GCNT1: variants seen among roughly 807,000 people sequenced by gnomAD.
GCNT1 encodes glucosaminyl (N-acetyl) transferase 1.
GCNT1 carries 16 observed loss-of-function variants against 26.2 expected under a neutral mutation model. The ratio of observed to expected loss-of-function variants is 0.61; its 90% confidence interval spans 0.41 to 0.93. The LOEUF is 0.93. Ranked by LOEUF, GCNT1 falls within the 40% of genes least tolerant of loss-of-function variation. GCNT1 has a pLI of 0.00. For synonymous variants in GCNT1, 183 were observed against 190.8 expected, an observed-to-expected ratio of 0.96 and a Z score of 0.34; for missense variants, 477 against 526.7, an observed-to-expected ratio of 0.91 and a Z score of 0.92.
chr9:76,447,727 A>T (rs1178501829), intron 1 of GCNT1, among the ~76,000 whole-genome samples: 1 of 152,170 alleles, frequency 6.6e-6, no homozygotes, highest in African/African-American at 2.4e-5. Flanking sequence ...TTATTAAATA[A>T]TTTTTATATC....
chr9:76,483,499 C>T (rs1564240727), intron 2 of GCNT1, among the ~76,000 whole-genome samples: 1 of 152,106 alleles, frequency 6.6e-6, no homozygotes, highest in African/African-American at 2.4e-5. Context: ...ACCGCAGCCT[C>T]GAACTCCTGG....
At chr9:76,407,229 T>C in the GCNT1 span, among the ~76,000 whole-genome samples, 1 of 152,112 alleles carries the variant, frequency 6.6e-6, no homozygotes, top group Non-Finnish European at 1.5e-5. Flanking sequence ...TTCAAATTTC[T>C]AAAATAGGAT....
the GCNT1 span, chr9:76,394,184 T>C: frequency 2.3e-5 from 36 of 1,587,468 alleles, no homozygotes; most frequent in Non-Finnish European, 2.9e-5. Flanking sequence ...TGCAGTCCGC[T>C]CGGGGAATGG....
At chr9:76,427,557 A>G (rs887712416) in intron 1 of GCNT1, among the ~76,000 whole-genome samples, 14 of 152,218 alleles carry the variant, frequency 9.2e-5, no homozygotes, top group Non-Finnish European at 1.5e-4. Flanking sequence ...TATTAACCTT[A>G]GAAAGTGAAT....
the GCNT1 span, among the ~76,000 whole-genome samples, chr9:76,397,421 C>T: frequency 2.0e-4 from 30 of 149,642 alleles, no homozygotes; most frequent in Non-Finnish European, 4.0e-4. Flanking sequence ...ACTGTGTTAT[C>T]AGCATAGGAT....
intron 2 of GCNT1, among the ~76,000 whole-genome samples, chr9:76,463,606 G>C (rs1467449851): frequency 6.6e-6 from 1 of 152,212 alleles, no homozygotes; most frequent in Non-Finnish European, 1.5e-5. Flanking sequence ...GTTCATTAGA[G>C]TCATGGGTAC....
At chr9:76,400,783 G>A in the GCNT1 span, among the ~76,000 whole-genome samples, 1 of 152,220 alleles carries the variant, frequency 6.6e-6, no homozygotes, top group East Asian at 1.9e-4. Flanking sequence ...GAGCCTTGGG[G>A]CATGTGTGAA....
intron 2 of GCNT1, among the ~76,000 whole-genome samples, chr9:76,495,537 C>G (rs1824883586): frequency 6.6e-6 from 1 of 152,212 alleles, no homozygotes; most frequent in African/African-American, 2.4e-5. Flanking sequence ...CGCCTATGTC[C>G]TGCTGATTGG....
intron 2 of GCNT1, among the ~76,000 whole-genome samples, chr9:76,484,629 A>G (rs977505272): frequency 1.3e-5 from 2 of 152,188 alleles, no homozygotes; most frequent in South Asian, 2.1e-4. Context: ...TGCGCCGTAT[A>G]TAACACAGAG....
chr9:76,472,217 A>G (rs1824146088), intron 2 of GCNT1, among the ~76,000 whole-genome samples: 1 of 152,198 alleles, frequency 6.6e-6, no homozygotes, highest in African/African-American at 2.4e-5. Flanking sequence ...CGGGAGGCGG[A>G]GGATGCAGTG....
At chr9:76,455,344 T>C (rs1823740413), upstream of GCNT1, among the ~76,000 whole-genome samples, 1 of 152,154 alleles carries the variant, frequency 6.6e-6, no homozygotes, top group Non-Finnish European at 1.5e-5. Context: ...TTTGCCCAGA[T>C]TGATCAGTAG....
At chr9:76,498,427 C>T (rs1259424986) in intron 2 of GCNT1, among the ~76,000 whole-genome samples, 3 of 152,132 alleles carry the variant, frequency 2.0e-5, no homozygotes, top group African/African-American at 7.2e-5. Flanking sequence ...CAAGCATTTA[C>T]ATTTCTACCA....
At chr9:76,456,375 C>T (rs977689478), upstream of GCNT1, among the ~76,000 whole-genome samples, 3 of 152,124 alleles carry the variant, frequency 2.0e-5, no homozygotes, top group African/African-American at 7.2e-5. Flanking sequence ...AGCTGGGTAC[C>T]GCCCCCTCCT....
At chr9:76,463,211 C>T (rs1823913034) in intron 2 of GCNT1, among the ~76,000 whole-genome samples, 1 of 152,128 alleles carries the variant, frequency 6.6e-6, no homozygotes, top group South Asian at 2.1e-4. Flanking sequence ...CCACTGTTCC[C>T]TTCCAGAAAT....
chr9:76,503,370 C>T lies in GCNT1; in HGVS notation c.989C>T (p.Pro330Leu). The T allele has an allele frequency of 6.2e-7, 1 of 1,614,148 alleles. No individual in the cohort carries two copies. Among genetic ancestry groups the T allele is most frequent in the Non-Finnish European group, 8.5e-7 (1 of 1,180,038 alleles). ...CTCTGGGCCACCATCCAAAGGATTC[C>T]TGAAGTCCCGGGCTCACTCCCTGCC... is the stretch of plus-strand genomic sequence containing the variant. Reference protein sequence around the residue: ...EYLWATIQRIPEVPGSLPASH... With the variant: ...EYLWATIQRILEVPGSLPASH... Residue 330 changes from proline to leucine, a missense_variant, in exon 4 of 4, where the codon CCT (proline) becomes CTT (leucine). Pro to Leu is a moderately conservative substitution (Grantham distance 98). Coordinates refer to ENST00000376730, the MANE Select transcript of GCNT1 (RefSeq NM_001490.5).
the GCNT1 span, among the ~76,000 whole-genome samples, chr9:76,396,580 G>A: frequency 5.9e-5 from 9 of 152,200 alleles, no homozygotes; most frequent in Non-Finnish European, 1.5e-5. Context: ...AGTGGCTCAT[G>A]CCTGTAATCC....
chr9:76,435,951 C>CTTTT (rs398046579), intron 1 of GCNT1, among the ~76,000 whole-genome samples: 13 of 112,008 alleles, frequency 1.2e-4, no homozygotes, highest in Non-Finnish European at 2.1e-4. Flanking sequence ...GTTCCCATAT[C>CTTTT]TTTTTTTTTT....
chr9:76,418,526 T>C (rs1823151827), upstream of GCNT1, among the ~76,000 whole-genome samples: 1 of 152,148 alleles, frequency 6.6e-6, no homozygotes. Flanking sequence ...GCCTTAGAAT[T>C]TTATTTGTGG....
intron 1 of GCNT1, among the ~76,000 whole-genome samples, chr9:76,430,499 A>G (rs919863674): frequency 1.1e-4 from 16 of 151,644 alleles, no homozygotes; most frequent in Non-Finnish European, 2.2e-4. Context: ...CTTCCACCTC[A>G]GCCTCCTCAG....
Sources: allele counts gnomAD v4.1 joint callset (sites outside exome capture counted in the v4.1 genomes callset), GRCh38; gene constraint gnomAD v4.1.1; transcripts MANE v1.5; gene names NCBI Gene and HGNC (gene_info 2026-07-23, HGNC 2026-07-21).